Variants in ATG4C observed in about 807,000 individuals in gnomAD.
The protein encoded by ATG4C is cysteine protease ATG4C.
A neutral mutation model predicts 57.6 loss-of-function variants in ATG4C; 56 were observed. The ratio of observed to expected loss-of-function variants is 0.97; its 90% CI spans 0.78 to 1.21. ATG4C has a LOEUF of 1.21. Ranked by LOEUF, ATG4C falls within the 50% of genes most tolerant of loss-of-function variation. ATG4C has a pLI of 0.00. For synonymous variants in ATG4C, 157 were observed against 174.1 expected, an observed-to-expected ratio of 0.90 and a Z score of 0.78; for missense variants, 595 against 529.8, an observed-to-expected ratio of 1.12 and a Z score of -1.21.
chr1:62,816,762 C>T lies in ATG4C; in HGVS notation c.348C>T (p.Gly116=), dbSNP rs774539991. 5.6e-6 allele frequency: 9 copies of T among 1,611,080 alleles called. No individual in the cohort carries two copies. The highest frequency in any genetic ancestry group is 1.1e-5 in the South Asian group (1 of 90,628). The change falls in exon 4 of 11, where the codon GGC becomes GGT. Residue 116 remains glycine (G), a synonymous_variant. Coordinates refer to ENST00000317868, the MANE Select transcript of ATG4C (RefSeq NM_032852.4). ...GGTGGGGCTGCACATTGAGAACTGG[C>T]CAGATGCTCTTGGCTCAAGGACTCA... is the stretch of plus-strand genomic sequence containing the variant. ...DCGWGCTLRT[G]QMLLAQGLIL...
chr1:62,826,320 C>A (rs1262484936), intron 6 of ATG4C, among the ~76,000 whole-genome samples: 2 of 151,558 alleles, frequency 1.3e-5, no homozygotes, highest in African/African-American at 4.9e-5. Context: ...ACTGCAAGCT[C>A]CACCTCTCGG....
At chr1:62,844,855 C>G (rs1366213803) in intron 10 of ATG4C, among the ~76,000 whole-genome samples, 1 of 151,854 alleles carries the variant, frequency 6.6e-6, no homozygotes, top group African/African-American at 2.4e-5. Context: ...TCATCTACAA[C>G]ATTTTTATTT....
chr1:62,798,058 G>A (rs550106892), intron 1 of ATG4C, among the ~76,000 whole-genome samples: 1 of 152,286 alleles, frequency 6.6e-6, no homozygotes, highest in Admixed American at 6.5e-5. Flanking sequence ...CTGACCTCAG[G>A]TGACCCACCC....
chr1:62,801,610 A>T (rs1557961351), intron 1 of ATG4C, among the ~76,000 whole-genome samples: 1 of 151,646 alleles, frequency 6.6e-6, no homozygotes, highest in African/African-American at 2.4e-5. Flanking sequence ...GTGAGCCGAG[A>T]TGTTGCCACT....
chr1:62,797,538 T>C (rs1664513968), intron 1 of ATG4C, among the ~76,000 whole-genome samples: 1 of 152,188 alleles, frequency 6.6e-6, no homozygotes, highest in Non-Finnish European at 1.5e-5. Context: ...ATTTCTTAGG[T>C]CTAGTAAGGT....
At chr1:62,835,676 T>C (rs1665977087) in intron 9 of ATG4C, 1 of 155,520 alleles carries the variant, frequency 6.4e-6, no homozygotes, top group African/African-American at 2.4e-5. Context: ...ACCACAAGGT[T>C]AAAATCTGGT....
chr1:62,788,497 C>G (rs995432993), intron 1 of ATG4C, among the ~76,000 whole-genome samples: 1 of 151,778 alleles, frequency 6.6e-6, no homozygotes, highest in African/African-American at 2.4e-5. Context: ...AGTAAGGTGG[C>G]AACGTGACAC....
At chr1:62,817,996 G>A (rs777648321) in intron 4 of ATG4C, among the ~76,000 whole-genome samples, 5 of 151,750 alleles carry the variant, frequency 3.3e-5, no homozygotes, top group Non-Finnish European at 5.9e-5. Flanking sequence ...TTTCTGGGAT[G>A]ATTTATTTAT....
intron 1 of ATG4C, among the ~76,000 whole-genome samples, chr1:62,793,611 AAAAAAAAAACC>A (rs1664361653): frequency 6.8e-6 from 1 of 147,840 alleles, no homozygotes; most frequent in African/African-American, 2.5e-5. Flanking sequence ...AAAAAAAAAA[AAAAAAAAAACC>A]AAAAAAACAA....
In ATG4C at chr1:62,819,201, T is replaced by A. The variant is rs754882812; in HGVS notation, c.591T>A (p.His197Gln). Residue 197 changes from histidine (H) to glutamine (Q), a missense_variant, in exon 5 of 11, where the codon CAT (histidine) becomes CAA (glutamine). Physicochemically the swap from His to Gln is conservative, Grantham distance 24 (BLOSUM62 0). Transcript: ENST00000317868. ...DDHEMRNEVY[H>Q]RKIISWFGDS... Reference sequence around the variant, plus strand: ...ATGAAATGCGAAATGAAGTTTATCATAGGAAAATCATCTCTTGGTTTGGTG... The same window carrying A: ...ATGAAATGCGAAATGAAGTTTATCAAAGGAAAATCATCTCTTGGTTTGGTG... The A allele has an allele frequency of 6.2e-7, 1 of 1,613,656 alleles. No individual in the cohort carries two copies. Among genetic ancestry groups the A allele is most frequent in the Non-Finnish European group, 8.5e-7 (1 of 1,179,730 alleles).
At chr1:62,833,388 G>A (rs1665901807) in intron 7 of ATG4C, among the ~76,000 whole-genome samples, 1 of 152,058 alleles carries the variant, frequency 6.6e-6, no homozygotes, top group African/African-American at 2.4e-5. Flanking sequence ...CTTAAATAGA[G>A]TTCTGCTTAG....
At chr1:62,812,287 T>C (rs940539529) in intron 3 of ATG4C, among the ~76,000 whole-genome samples, 1 of 152,208 alleles carries the variant, frequency 6.6e-6, no homozygotes, top group African/African-American at 2.4e-5. Flanking sequence ...TCACGTCGGC[T>C]TCATCCCTGG....
chr1:62,821,055 G>T, intron 5 of ATG4C, 84 bp from the exon 6 acceptor site: 1 of 1,048,884 alleles, frequency 9.5e-7, no homozygotes. Context: ...AAAACTGCTG[G>T]CATTTTTTCC....
intron 10 of ATG4C, among the ~76,000 whole-genome samples, chr1:62,850,128 G>T (rs1044287113): frequency 1.3e-5 from 2 of 152,056 alleles, no homozygotes; most frequent in African/African-American, 4.8e-5. Flanking sequence ...AAATAATTTG[G>T]TTACTAAATA....
At position 62,864,136 on chromosome 1, in the gene ATG4C, A is replaced by C; in HGVS notation, c.1354A>C (p.Thr452Pro). The change falls in exon 11 of 11, where the codon ACG (threonine) becomes CCG (proline). Residue 452 changes from threonine to proline, a missense_variant. Physicochemically the swap from Thr to Pro is conservative, Grantham distance 38. Transcript: ENST00000317868. ...AAAGAAACAATTAAAAAGATTTAGC[A>C]CGGAAGAGTTTGTCTTGCTTTAAAG... ...DEKKQLKRFS[T>P]EEFVLL The C allele has an allele frequency of 6.2e-7, 1 of 1,603,638 alleles. No homozygotes were observed. Among genetic ancestry groups the C allele is most frequent in the Non-Finnish European group, 8.5e-7 (1 of 1,176,840 alleles).
At position 62,809,843 on chromosome 1, in the gene ATG4C, A is replaced by G. The variant is rs57293753; in HGVS notation, c.160+4588A>G. ...AATGCATATCCTGGTAATGAAGGGA[A>G]TGCAAAATAAAATGAGATACTGTTC... On this transcript the variant is annotated intron_variant, in intron 3 of 10. Coordinates refer to ENST00000317868, the MANE Select transcript of ATG4C (RefSeq NM_032852.4). 8.0e-3 allele frequency among the ~76,000 whole-genome samples: 1,212 copies of G among 152,056 alleles called. 19 individuals are homozygous for G. The highest frequency in any genetic ancestry group is 0.028 in the African/African-American group (1,154 of 41,512).
intron 10 of ATG4C, among the ~76,000 whole-genome samples, chr1:62,850,092 A>G (rs1666457851): frequency 6.6e-6 from 1 of 152,202 alleles, no homozygotes; most frequent in Non-Finnish European, 1.5e-5. Flanking sequence ...GAAGTAAATT[A>G]TAAAATAAAG....
At chr1:62,853,866 C>T (rs1208763258) in intron 10 of ATG4C, among the ~76,000 whole-genome samples, 8 of 152,132 alleles carry the variant, frequency 5.3e-5, no homozygotes, top group East Asian at 1.9e-4. Flanking sequence ...TAAAAATAAT[C>T]GTTTCCTCTG....
chr1:62,819,435 C>A, intron 5 of ATG4C, 100 bp downstream of exon 5: 1 of 936,344 alleles, frequency 1.1e-6, no homozygotes, highest in Non-Finnish European at 1.5e-6. Context: ...CTTTAAAAGT[C>A]TAACTGTATG....
Sources: gnomAD v4.1 joint callset for allele counts (sites outside exome capture counted in the v4.1 genomes callset) on GRCh38, gnomAD v4.1.1 for gene constraint, MANE v1.5 for transcripts, NCBI Gene and HGNC (gene_info 2026-07-23, HGNC 2026-07-21) for gene names.